The following GALK2 variants were observed in gnomAD, a reference collection of about 807,000 sequenced individuals.
GALK2 encodes the protein galactokinase 2, also known as N-acetylgalactosamine kinase.
Under a neutral mutation model 52.4 loss-of-function variants are expected in GALK2, and 36 were observed. That is an observed-to-expected ratio of 0.69 (90% confidence interval 0.53 to 0.91). GALK2 has a LOEUF of 0.91. GALK2 is among the 40% of genes least tolerant of loss of function. The pLI is 0.00. For missense variants in GALK2, 579 were observed against 559.1 expected (o/e 1.04, Z -0.36); for synonymous variants, 176 against 199.1 (o/e 0.88, Z 0.98).
At chr15:49,233,137 A>G (rs1161272656) in intron 3 of GALK2, among the ~76,000 whole-genome samples, 2 of 152,162 alleles carry the variant, frequency 1.3e-5, no homozygotes, top group Non-Finnish European at 2.9e-5. Context: ...GGTTTAATTG[A>G]CTCACAATTC....
At chr15:49,188,268 C>T (rs935788326) in intron 1 of GALK2, among the ~76,000 whole-genome samples, 14 of 152,118 alleles carry the variant, frequency 9.2e-5, no homozygotes, top group African/African-American at 3.4e-4. Flanking sequence ...GTGCTTTAGC[C>T]CATGGTGGTT....
rs528985855 is a variant in GALK2, at chr15:49,363,013, T to C, written c.427-4478T>C. Among the ~76,000 whole-genome samples the C allele has an allele frequency of 6.6e-5, 10 of 152,378 alleles. No individual in the cohort carries two copies. The South Asian group carries it at 2.1e-3, about 32-fold the overall frequency. On this transcript the variant is annotated intron_variant, in intron 3 of 3. Coordinates refer to the GALK2 transcript ENST00000558399. Reference sequence around the variant, plus strand: ...GCTTTCATATCAGTGCCATGCTGTTTTGGTTACTGTAGCCTTGTAGTGGAA... The same window carrying C: ...GCTTTCATATCAGTGCCATGCTGTTCTGGTTACTGTAGCCTTGTAGTGGAA...
At chr15:49,344,135 A>G (rs1246026626) in intron 3 of GALK2, 1 of 152,228 alleles carries the variant, frequency 6.6e-6, no homozygotes, top group Non-Finnish European at 1.5e-5. Flanking sequence ...CATATTGATG[A>G]ATGTTTCAGC....
intron 5 of GALK2, among the ~76,000 whole-genome samples, chr15:49,259,342 C>G (rs2091977977): frequency 8.3e-6 from 1 of 120,256 alleles, no homozygotes; most frequent in South Asian, 3.4e-4. Context: ...TCCCCCCTCC[C>G]CCCACCCCAC....
In GALK2 at chr15:49,330,215, C is replaced by T. The variant is rs1201567506; in HGVS notation, c.*2056C>T. The T allele has an allele frequency of 6.6e-6, 1 of 152,150 alleles. No homozygotes were observed. 9.4% of individuals were successfully genotyped at this position (152,150 alleles called of 1,614,324 possible). The stretch of plus-strand genomic sequence containing the variant: ...GCAAACATGGTGTGTGTAGGAGGCT[C>T]AGTGAGAGTGAAGGCTTTGCTTTGG... On this transcript the variant is annotated 3_prime_UTR_variant, in exon 10 of 10. Coordinates refer to ENST00000560031, the MANE Select transcript of GALK2 (RefSeq NM_002044.4).
chr15:49,170,326 G>T lies in GALK2; in HGVS notation c.4G>T (p.Ala2Ser), dbSNP rs1168839259. 1 of 1,587,958 alleles carries T rather than the reference G, an allele frequency of 6.3e-7. No homozygotes were observed. The highest frequency in any genetic ancestry group is 1.8e-5 in the Admixed American group (1 of 56,042). Residue 2 changes from alanine (A) to serine (S), a missense_variant, in exon 1 of 10, where the codon GCT (alanine) becomes TCT (serine). Transcript: ENST00000560031. The part of the protein sequence containing the change: M[A>S]TESPATRRVQ... ...AGAAAGAAGGATCTAGCGAAATATG[G>T]CTACAGAGAGCCCTGCTACGCGTCG... is the stretch of plus-strand genomic sequence containing the variant.
intron 8 of GALK2, among the ~76,000 whole-genome samples, chr15:49,315,821 G>A (rs1415551317): frequency 6.6e-6 from 1 of 152,138 alleles, no homozygotes; most frequent in Non-Finnish European, 1.5e-5. Flanking sequence ...AGGATTGTGA[G>A]GTTCTGGTAG....
At chr15:49,205,240 T>C (rs1420889851) in intron 2 of GALK2, among the ~76,000 whole-genome samples, 2 of 152,216 alleles carry the variant, frequency 1.3e-5, no homozygotes, top group Non-Finnish European at 2.9e-5. Flanking sequence ...TCTGAGTAGA[T>C]ACCCATTAGT....
At chr15:49,357,357 AAGAG>A (rs1234332945) in intron 3 of GALK2, among the ~76,000 whole-genome samples, 12 of 149,646 alleles carry the variant, frequency 8.0e-5, no homozygotes, top group Non-Finnish European at 1.5e-4. Context: ...TAAAGAAAAA[AAGAG>A]AGAAGAATCA....
At chr15:49,283,270 T>C (rs2032949635) in intron 6 of GALK2, among the ~76,000 whole-genome samples, 1 of 152,208 alleles carries the variant, frequency 6.6e-6, no homozygotes, top group South Asian at 2.1e-4. Context: ...ATGCTTCAGC[T>C]ATGTATCCAT....
At chr15:49,350,311 A>G (rs911476389) in intron 3 of GALK2, among the ~76,000 whole-genome samples, 4 of 152,222 alleles carry the variant, frequency 2.6e-5, no homozygotes, top group Non-Finnish European at 5.9e-5. Flanking sequence ...ATGACCACAC[A>G]TGGCTAGTGG....
At chr15:49,235,770 A>G (rs2090768053) in intron 3 of GALK2, 81 bp from the exon 4 acceptor site, 2 of 904,388 alleles carry the variant, frequency 2.2e-6, no homozygotes, top group South Asian at 2.6e-5. Context: ...CTGTGTTGGC[A>G]CAAGATGGCA....
chr15:49,185,617 C>T (rs902102041), intron 1 of GALK2: 3 of 152,180 alleles, frequency 2.0e-5, no homozygotes, highest in African/African-American at 4.8e-5. Context: ...TCTGCAGCCT[C>T]ATCAGCATCT....
chr15:49,356,426 T>C (rs978361715), intron 3 of GALK2, among the ~76,000 whole-genome samples: 11 of 150,454 alleles, frequency 7.3e-5, no homozygotes, highest in Admixed American at 4.0e-4. Context: ...AAGGCAGGGG[T>C]TGCAATCCCA....
At chr15:49,158,414 A>G (rs1377829432) in intron 1 of GALK2, among the ~76,000 whole-genome samples, 2 of 152,250 alleles carry the variant, frequency 1.3e-5, no homozygotes, top group Admixed American at 1.3e-4. Flanking sequence ...TAATTGTTTT[A>G]AGAAAACATG....
chr15:49,253,188 T>C (rs1273417543), intron 5 of GALK2, among the ~76,000 whole-genome samples: 1 of 144,898 alleles, frequency 6.9e-6, no homozygotes, highest in Non-Finnish European at 1.5e-5. Flanking sequence ...TATATGTGCA[T>C]TCAATTTTAT....
At chr15:49,299,836 T>A (rs1256179640) in intron 8 of GALK2, among the ~76,000 whole-genome samples, 2 of 151,100 alleles carry the variant, frequency 1.3e-5, no homozygotes, top group African/African-American at 4.9e-5. Flanking sequence ...ATTTTTTTTT[T>A]AATTTGTTGA....
intron 3 of GALK2, among the ~76,000 whole-genome samples, chr15:49,357,483 A>G (rs1203058031): frequency 6.6e-6 from 1 of 152,180 alleles, no homozygotes; most frequent in Admixed American, 6.5e-5. Context: ...TAGAAAATCT[A>G]GAAGAAATAA....
At position 49,300,223 on chromosome 15, in the gene GALK2, C is replaced by T. The variant is rs116449303; in HGVS notation, c.967+7686C>T. On this transcript the variant is annotated intron_variant, in intron 8 of 9. Transcript: ENST00000560031. ...TTTTGACCTTTTTGATCATTGTTAG[C>T]TTTAAATCTGTTTTGTCTGAAATAA... Among the ~76,000 whole-genome samples, 964 of 152,072 alleles carry T rather than the reference C, an allele frequency of 6.3e-3. 15 individuals carry two copies. The highest frequency in any genetic ancestry group is 0.022 in the African/African-American group (910 of 41,490).
Sources: allele counts gnomAD v4.1 joint callset (sites outside exome capture counted in the v4.1 genomes callset), GRCh38; gene constraint gnomAD v4.1.1; transcripts MANE v1.5; gene names NCBI Gene and HGNC (gene_info 2026-07-23, HGNC 2026-07-21).